The following OPHN1 variants were observed in gnomAD, a reference collection of about 807,000 sequenced individuals.
OPHN1 encodes the protein oligophrenin 1.
A neutral mutation model predicts 60.7 loss-of-function variants in OPHN1; 11 were observed. The ratio of observed to expected loss-of-function variants is 0.18; its 90% CI spans 0.11 to 0.30. The LOEUF (loss-of-function observed/expected upper bound fraction) is 0.30, where lower values mean the gene tolerates loss of function less well. OPHN1 is among the 10% of genes least tolerant of loss of function. The probability of loss-of-function intolerance (pLI) is 1.00; values close to 1 mark genes in which losing one functional copy is unlikely to be tolerated. For synonymous variants in OPHN1, 226 were observed against 222.6 expected, an observed-to-expected ratio of 1.02 and a Z score of -0.14; for missense variants, 449 against 611.0, an observed-to-expected ratio of 0.73 and a Z score of 2.80.
At chrX:68,251,319 G>T (rs1204985511) in intron 5 of OPHN1, among the ~76,000 whole-genome samples, 2 of 106,087 alleles carry the variant, frequency 1.9e-5, no homozygotes, top group Non-Finnish European at 3.9e-5. Flanking sequence ...CCGAGTAGCT[G>T]GGATTACAGG....
chrX:68,245,111 C>T (rs2077798974), intron 5 of OPHN1, among the ~76,000 whole-genome samples: 1 of 111,396 alleles, frequency 9.0e-6, no homozygotes, highest in African/African-American at 3.3e-5. Flanking sequence ...GAAGAAACCA[C>T]CATATATTTT....
chrX:68,240,304 A>G (rs971349432), intron 5 of OPHN1, among the ~76,000 whole-genome samples: 2 of 112,302 alleles, frequency 1.8e-5, no homozygotes, highest in Admixed American at 1.9e-4. Flanking sequence ...TTTGATTACA[A>G]TAAGCACATG....
intron 2 of OPHN1, among the ~76,000 whole-genome samples, chrX:68,394,508 G>A (rs1339381336): frequency 1.8e-5 from 2 of 111,632 alleles, no homozygotes; most frequent in Non-Finnish European, 3.8e-5. Context: ...TATTTGCACT[G>A]AGTTTATTTT....
At chrX:68,193,836 T>A (rs1232200517) in intron 14 of OPHN1, 54 bp downstream of exon 14, 1 of 1,037,081 alleles carries the variant, frequency 9.6e-7, no homozygotes, top group Non-Finnish European at 1.4e-6. Flanking sequence ...TTGCCCAGGA[T>A]AAAATCAGAG....
In OPHN1 at chrX:68,073,258, C is replaced by A; in HGVS notation, c.1728G>T (p.Val576=). ...TTCTTGCTGTCACCCGAGGCGGAGG[C>A]ACTGGCGGTGCAGCGCTTTCCTCAG... ...GPPEESAAPP[V]PPPRVTARRH... Residue 576 remains valine (V), a synonymous_variant, in exon 20 of 25, where the codon GTG becomes GTT. Coordinates refer to ENST00000355520, the MANE Select transcript of OPHN1 (RefSeq NM_002547.3). 1 of 1,211,310 alleles carries A rather than the reference C, an allele frequency of 8.3e-7. No individual in the cohort carries two copies. The highest frequency in any genetic ancestry group is 1.1e-6 in the Non-Finnish European group (1 of 895,062).
chrX:68,284,663 C>A (rs1234021026), intron 3 of OPHN1, among the ~76,000 whole-genome samples: 2 of 111,422 alleles, frequency 1.8e-5, no homozygotes, highest in Non-Finnish European at 3.8e-5. Context: ...TTTCATCACC[C>A]CCAAAAGAAA....
intron 2 of OPHN1, among the ~76,000 whole-genome samples, chrX:68,386,455 T>TA (rs760075862): frequency 6.9e-4 from 77 of 112,011 alleles, no homozygotes; most frequent in East Asian, 3.6e-3. Context: ...TTTATTTTTT[T>TA]AAAAAGCAGT....
chrX:68,188,419 G>A (rs1053529525), intron 15 of OPHN1, among the ~76,000 whole-genome samples: 2 of 112,129 alleles, frequency 1.8e-5, no homozygotes, highest in Admixed American at 9.5e-5. Context: ...TTCAAAGCAA[G>A]CATGATTTGA....
rs549121247 is a variant in OPHN1, at chrX:68,136,764, T to C, written c.1277-17432A>G. Among the ~76,000 whole-genome samples, 34 of 112,362 alleles carry C rather than the reference T, an allele frequency of 3.0e-4. 1 individual carries two copies. In the South Asian group the frequency reaches 0.011, roughly 35 times the overall value. On this transcript the variant is annotated intron_variant, in intron 15 of 24. Transcript: ENST00000355520. Reference sequence around the variant, plus strand: ...GCAAAAATTTACAAAGTGCTTATTATAAACCATGGCATATAGTATCAGTGG... The same window carrying C: ...GCAAAAATTTACAAAGTGCTTATTACAAACCATGGCATATAGTATCAGTGG...
At chrX:68,208,023 C>A (rs1330277599) in intron 9 of OPHN1, among the ~76,000 whole-genome samples, 1 of 109,892 alleles carries the variant, frequency 9.1e-6, no homozygotes, top group African/African-American at 3.3e-5. Flanking sequence ...TCTTTCCTTT[C>A]TTTCCTTTCT....
chrX:68,263,862 T>C (rs1042405676), intron 5 of OPHN1, among the ~76,000 whole-genome samples: 2 of 112,309 alleles, frequency 1.8e-5, no homozygotes, highest in African/African-American at 6.5e-5. Flanking sequence ...CTTAAACATA[T>C]AATCAAAATT....
intron 2 of OPHN1, among the ~76,000 whole-genome samples, chrX:68,319,038 G>GCGTT (rs1177484545): frequency 9.0e-6 from 1 of 111,197 alleles, no homozygotes; most frequent in Non-Finnish European, 1.9e-5. Flanking sequence ...CCTGGATAAC[G>GCGTT]CAGTGTCAGG....
At chrX:68,301,790 T>A (rs1454096337) in intron 2 of OPHN1, among the ~76,000 whole-genome samples, 1 of 112,277 alleles carries the variant, frequency 8.9e-6, no homozygotes, top group Non-Finnish European at 1.9e-5. Flanking sequence ...ATCACCTTAT[T>A]TATGTATGTG....
At chrX:68,084,220 T>C (rs1436015714) in intron 19 of OPHN1, among the ~76,000 whole-genome samples, 3 of 106,993 alleles carry the variant, frequency 2.8e-5, no homozygotes, top group Non-Finnish European at 5.8e-5. Context: ...TGGAACATAC[T>C]GAGCACTCAG....
intron 10 of OPHN1, among the ~76,000 whole-genome samples, chrX:68,203,891 C>T (rs760126830): frequency 1.9e-4 from 21 of 112,933 alleles, no homozygotes; most frequent in Admixed American, 1.6e-3. Context: ...CAAACCAACA[C>T]ATTGCCCACT....
At chrX:68,108,418 C>T (rs755192789) in intron 18 of OPHN1, among the ~76,000 whole-genome samples, 1 of 111,969 alleles carries the variant, frequency 8.9e-6, no homozygotes, top group East Asian at 2.8e-4. Flanking sequence ...GTTTTTTCTT[C>T]TTGTTGCTTT....
At chrX:68,219,789 A>G (rs1323735938) in intron 6 of OPHN1, among the ~76,000 whole-genome samples, 2 of 103,979 alleles carry the variant, frequency 1.9e-5, no homozygotes, top group African/African-American at 7.0e-5. Context: ...CAGTGTGTAG[A>G]GGGAAATTTA....
chrX:68,348,625 G>A (rs769085120), intron 2 of OPHN1, among the ~76,000 whole-genome samples: 21 of 111,567 alleles, frequency 1.9e-4, no homozygotes, highest in Non-Finnish European at 3.6e-4. Flanking sequence ...TCCTTAGGGA[G>A]CATATTTGCT....
chrX:68,378,001 A>AC (rs2078570292), intron 2 of OPHN1, among the ~76,000 whole-genome samples: 2 of 112,017 alleles, frequency 1.8e-5, no homozygotes, highest in African/African-American at 6.5e-5. Flanking sequence ...CTGAGGAATC[A>AC]CCACACTGAC....
Sources: allele counts gnomAD v4.1 joint callset (sites outside exome capture counted in the v4.1 genomes callset), GRCh38; gene constraint gnomAD v4.1.1; transcripts MANE v1.5; gene names NCBI Gene and HGNC (gene_info 2026-07-23, HGNC 2026-07-21).